Variants in GPATCH8 observed in about 807,000 individuals in gnomAD.
GPATCH8 encodes the protein G patch domain-containing protein 8.
In GPATCH8, 18 loss-of-function variants were observed where a neutral mutation model predicts 118.3. The ratio of observed to expected loss-of-function variants is 0.15; its 90% CI spans 0.11 to 0.23. GPATCH8 has a LOEUF of 0.23. GPATCH8 is among the 10% of genes least tolerant of loss of function. GPATCH8 has a pLI of 1.00. For synonymous variants in GPATCH8, 659 were observed against 684.7 expected, an observed-to-expected ratio of 0.96 and a Z score of 0.59; for missense variants, 1,631 against 1,873.8, an observed-to-expected ratio of 0.87 and a Z score of 2.39.
chr17:44,401,557 G>GA, intron 7 of GPATCH8, 104 bp from the exon 8 acceptor site: 1 of 814,240 alleles, frequency 1.2e-6, no homozygotes, highest in Non-Finnish European at 2.2e-6. Flanking sequence ...TTCATTATAG[G>GA]TAGGTCTCAA....
chr17:44,399,186 C>A lies in GPATCH8; in HGVS notation c.2891G>T (p.Ser964Ile), dbSNP rs543498000. The change falls in exon 8 of 8, where the codon AGT becomes ATT. Residue 964 changes from serine (S) to isoleucine (I), a missense_variant. Physicochemically the swap from Ser to Ile is moderately radical, Grantham distance 142. This residue lies in a region of GPATCH8 where 922 missense variants were observed against 879.7 expected (regional missense o/e 1.05). Coordinates refer to ENST00000591680, the MANE Select transcript of GPATCH8 (RefSeq NM_001002909.4). The stretch of plus-strand genomic sequence containing the variant: ...CCGCTTGCTTCGACTACGACTACAA[C>A]TGCTGCTGCGGCTGCGGCCCCGGGA... ...SRSRGRSRSS[S>I]CSRSRSKRRS... 1 of 1,613,288 alleles carries A rather than the reference C, an allele frequency of 6.2e-7. No individual in the cohort carries two copies. Among genetic ancestry groups the A allele is most frequent in the South Asian group, 1.1e-5 (1 of 91,064 alleles).
intron 6 of GPATCH8, among the ~76,000 whole-genome samples, chr17:44,414,153 ATATG>A (rs1284779213): frequency 8.8e-5 from 3 of 34,218 alleles, no homozygotes; most frequent in Non-Finnish European, 2.8e-4. Context: ...GTGTATATAT[ATATG>A]TGTATATATA....
intron 3 of GPATCH8, among the ~76,000 whole-genome samples, chr17:44,449,841 G>A (rs1251466263): frequency 6.6e-6 from 1 of 152,146 alleles, no homozygotes; most frequent in Non-Finnish European, 1.5e-5. Flanking sequence ...AAGAACCCAA[G>A]GTGATTCTGC....
intron 6 of GPATCH8, among the ~76,000 whole-genome samples, chr17:44,413,173 A>G (rs1482359697): frequency 1.3e-5 from 2 of 152,158 alleles, no homozygotes; most frequent in African/African-American, 2.4e-5. Flanking sequence ...AATTTTATTC[A>G]GTAAGAAAAA....
chr17:44,443,433 G>A (rs2050769987), intron 3 of GPATCH8, among the ~76,000 whole-genome samples: 4 of 151,888 alleles, frequency 2.6e-5, no homozygotes, highest in African/African-American at 7.3e-5. Flanking sequence ...TTTCAGCATC[G>A]TTTAGATATT....
intron 1 of GPATCH8, 57 bp downstream of exon 1, chr17:44,503,269 G>A: frequency 6.9e-7 from 1 of 1,452,154 alleles, no homozygotes; most frequent in Non-Finnish European, 9.5e-7. Context: ...CGGAGATGAA[G>A]GAGGTTCTGG....
At chr17:44,469,459 G>A (rs973228410) in intron 2 of GPATCH8, among the ~76,000 whole-genome samples, 2 of 152,190 alleles carry the variant, frequency 1.3e-5, no homozygotes, top group African/African-American at 4.8e-5. Context: ...GAAGCTGGCT[G>A]TAAGTTTTTA....
intron 2 of GPATCH8, chr17:44,466,986 A>C: frequency 2.8e-6 from 1 of 361,524 alleles, no homozygotes; most frequent in East Asian, 7.7e-5. Flanking sequence ...TGGAGATGAG[A>C]CATTATGCTG....
intron 3 of GPATCH8, among the ~76,000 whole-genome samples, chr17:44,451,783 A>T (rs2051119862): frequency 6.6e-6 from 1 of 152,228 alleles, no homozygotes; most frequent in African/African-American, 2.4e-5. Context: ...AATATATCAC[A>T]TTCAGAATTA....
At chr17:44,494,290 C>A (rs761920302) in intron 1 of GPATCH8, among the ~76,000 whole-genome samples, 1 of 152,106 alleles carries the variant, frequency 6.6e-6, no homozygotes, top group Non-Finnish European at 1.5e-5. Context: ...CTCCTTACCA[C>A]GCTTAAAATC....
chr17:44,497,594 G>T (rs1193568431), intron 1 of GPATCH8, among the ~76,000 whole-genome samples: 2 of 151,588 alleles, frequency 1.3e-5, no homozygotes, highest in Admixed American at 1.3e-4. Context: ...TCTCAAAAAC[G>T]AATTTTTTAT....
chr17:44,430,302 C>T (rs1008634871), intron 5 of GPATCH8, among the ~76,000 whole-genome samples: 10 of 151,942 alleles, frequency 6.6e-5, no homozygotes, highest in African/African-American at 2.4e-4. Flanking sequence ...CCAAATTCAA[C>T]AGCATATTAA....
At chr17:44,421,612 C>T (rs1368563786) in intron 6 of GPATCH8, among the ~76,000 whole-genome samples, 1 of 151,554 alleles carries the variant, frequency 6.6e-6, no homozygotes, top group Non-Finnish European at 1.5e-5. Flanking sequence ...GTGAACTCCC[C>T]CTCAGCTTCC....
chr17:44,469,316 C>A (rs1018437900), intron 2 of GPATCH8, among the ~76,000 whole-genome samples: 2 of 152,096 alleles, frequency 1.3e-5, no homozygotes, highest in African/African-American at 4.8e-5. Flanking sequence ...TAATTAAATA[C>A]CAAGTAGAAA....
intron 6 of GPATCH8, among the ~76,000 whole-genome samples, chr17:44,418,618 C>CT (rs1297206319): frequency 6.6e-6 from 1 of 152,084 alleles, no homozygotes; most frequent in Admixed American, 6.6e-5. Context: ...CCACGCCCGG[C>CT]TTTTTTGTAT....
Position 44,396,483 on chromosome 17 carries a change from AT to A in GPATCH8, c.*1084del. 2.2e-6 allele frequency: 1 copy of A among 454,262 alleles called. No homozygotes were observed. Among genetic ancestry groups the A allele is most frequent in the South Asian group, 1.6e-5 (1 of 64,464 alleles). The allele number at this position is 454,262 out of a possible 1,614,324, so 28.1% of individuals were successfully genotyped here. On this transcript the variant is annotated 3_prime_UTR_variant, in exon 8 of 8. Coordinates refer to ENST00000591680, the MANE Select transcript of GPATCH8 (RefSeq NM_001002909.4). Reference sequence around the variant, plus strand: ...TTGTCCCAGCAAAAAATGTTTTAACATTTTATAGTTCATAACTTCAAAAAAT... The same window carrying A: ...TTGTCCCAGCAAAAAATGTTTTAACATTTATAGTTCATAACTTCAAAAAAT...
intron 6 of GPATCH8, among the ~76,000 whole-genome samples, chr17:44,406,496 T>TTG (rs1555622783): frequency 4.7e-5 from 1 of 21,070 alleles, no homozygotes; most frequent in African/African-American, 1.7e-4. Flanking sequence ...ACAGCTTACA[T>TTG]GGGGGGGGGG....
At chr17:44,464,422 G>T in intron 3 of GPATCH8, 50 bp downstream of exon 3, 1 of 1,027,542 alleles carries the variant, frequency 9.7e-7, no homozygotes, top group Non-Finnish European at 1.6e-6. Context: ...TACAAGATCT[G>T]CATCAGAAAT....
chr17:44,400,831 C>G lies in GPATCH8; in HGVS notation c.1246G>C (p.Ala416Pro). The change falls in exon 8 of 8, where the codon GCC becomes CCC. Residue 416 changes from alanine to proline, a missense_variant. Ala to Pro is a conservative substitution (Grantham distance 27). Around this residue, in one of 8 missense-constraint regions of GPATCH8, gnomAD observed 405 missense variants for 462.7 expected, o/e 0.88. Transcript: ENST00000591680. The stretch of plus-strand genomic sequence containing the variant: ...TTATCACCATCCATTTGTTCACTGG[C>G]TCTCATAAAAAGTAGAAAGGGAAAA... ...PNFPFLLFMRASEQMDGDNTT... is the reference protein window; with the variant it reads ...PNFPFLLFMRPSEQMDGDNTT... 6.2e-7 allele frequency: 1 copy of G among 1,614,136 alleles called. No individual in the cohort carries two copies.
Sources: gnomAD v4.1 joint callset for allele counts (sites outside exome capture counted in the v4.1 genomes callset) on GRCh38, gnomAD v4.1.1 for gene constraint, gnomAD v4.1.1 regional missense constraint, MANE v1.5 for transcripts, NCBI Gene and HGNC (gene_info 2026-07-23, HGNC 2026-07-21) for gene names.